The following MMP26 variants were observed in gnomAD, a reference collection of about 807,000 sequenced individuals.
The protein encoded by MMP26 is matrix metalloproteinase-26.
MMP26 carries 33 observed loss-of-function variants against 31.0 expected under a neutral mutation model. The observed-to-expected ratio is 1.06, with a 90% confidence interval of 0.81 to 1.42. The LOEUF is 1.42. MMP26 is among the 40% of genes most tolerant of loss of function. The pLI, the probability that MMP26 is intolerant of heterozygous loss-of-function variation, is 0.00. For synonymous variants in MMP26, 122 were observed against 114.9 expected, an observed-to-expected ratio of 1.06 and a Z score of -0.40; for missense variants, 347 against 316.1, an observed-to-expected ratio of 1.10 and a Z score of -0.74.
At chr11:4,717,670 T>A (rs999155016) in intron 1 of MMP26, among the ~76,000 whole-genome samples, 2 of 48,484 alleles carry the variant, frequency 4.1e-5, no homozygotes, top group Non-Finnish European at 7.6e-5. Context: ...ATTTGGTAAG[T>A]TTTTTACCAC....
At chr11:4,987,563 C>T (rs544376209) in intron 2 of MMP26, among the ~76,000 whole-genome samples, 81 of 152,164 alleles carry the variant, frequency 5.3e-4, no homozygotes, top group Non-Finnish European at 2.6e-4. Context: ...GGACTACAGG[C>T]GCCCACCACC....
chr11:4,914,547 C>T lies in MMP26; in HGVS notation c.-144-73521C>T, dbSNP rs796827906. The T allele has an allele frequency of 7.3e-6, 4 of 549,282 alleles. No individual in the cohort carries two copies. In the South Asian group the frequency reaches 1.2e-4, roughly 16 times the overall value. 34.0% of individuals were successfully genotyped at this position (549,282 alleles called of 1,614,324 possible). On this transcript the variant is annotated intron_variant, in intron 2 of 7. Coordinates refer to ENST00000380390, the MANE Select transcript of MMP26 (RefSeq NM_021801.5). ...TTACCACATCATATTACATTTTACCCCCCCCTGCCCTGGCCACAACAGAGT... is the reference window on the plus strand; with the variant it reads ...TTACCACATCATATTACATTTTACCTCCCCCTGCCCTGGCCACAACAGAGT...
chr11:4,787,814 A>G (rs1352104835), intron 2 of MMP26: 3 of 152,144 alleles, frequency 2.0e-5, no homozygotes, highest in Non-Finnish European at 4.4e-5. Context: ...AAGAACAGTA[A>G]TGCTTACTGA....
intron 1 of MMP26, among the ~76,000 whole-genome samples, chr11:4,759,017 A>G (rs7931393): frequency 0.037 from 5,571 of 149,042 alleles, 341 homozygotes; most frequent in African/African-American, 0.13. Context: ...AGGCTGAGGC[A>G]GGAGAATTGC....
At chr11:4,720,854 A>C (rs1431535753) in intron 1 of MMP26, among the ~76,000 whole-genome samples, 2 of 152,208 alleles carry the variant, frequency 1.3e-5, no homozygotes, top group East Asian at 3.9e-4. Context: ...CGTGGAGTTG[A>C]GACTTAGGTC....
At chr11:4,765,627 C>T (rs1236452410) in intron 1 of MMP26, among the ~76,000 whole-genome samples, 1 of 152,124 alleles carries the variant, frequency 6.6e-6, no homozygotes, top group Non-Finnish European at 1.5e-5. Context: ...TGCAACCTGG[C>T]TTCTATTATG....
chr11:4,939,984 T>C (rs1166638194), intron 2 of MMP26, among the ~76,000 whole-genome samples: 3 of 152,140 alleles, frequency 2.0e-5, no homozygotes, highest in East Asian at 3.8e-4. Context: ...GTCTCACCAT[T>C]GTCTTAAAGA....
At chr11:4,888,911 G>A (rs1850579258) in intron 2 of MMP26, among the ~76,000 whole-genome samples, 1 of 152,174 alleles carries the variant, frequency 6.6e-6, no homozygotes, top group South Asian at 2.1e-4. Flanking sequence ...CCAGCAACTG[G>A]ATTGGGGTGA....
chr11:4,891,063 T>C (rs992365343), intron 2 of MMP26, among the ~76,000 whole-genome samples: 3 of 151,150 alleles, frequency 2.0e-5, no homozygotes, highest in Non-Finnish European at 2.9e-5. Flanking sequence ...AAGTGGATAC[T>C]AGTTTTGAAG....
chr11:4,890,993 A>ATAATAATAC (rs1850611561), intron 2 of MMP26, among the ~76,000 whole-genome samples: 2 of 146,166 alleles, frequency 1.4e-5, no homozygotes, highest in Admixed American at 6.8e-5. Flanking sequence ...AATAATAATA[A>ATAATAATAC]TAATAATAAT....
At chr11:4,777,042 A>G (rs1200555484) in intron 2 of MMP26, among the ~76,000 whole-genome samples, 1 of 152,160 alleles carries the variant, frequency 6.6e-6, no homozygotes, top group African/African-American at 2.4e-5. Flanking sequence ...AAATTCTTAA[A>G]ATACAAGGGT....
Position 4,803,933 on chromosome 11 carries a change from T to C in MMP26, c.-145+36592T>C, listed in dbSNP as rs1849223843. 2.5e-6 allele frequency: 4 copies of C among 1,613,086 alleles called. No individual in the cohort carries two copies. In the South Asian group the frequency reaches 4.4e-5, roughly 18 times the overall value. ...CACAGCAGCCCTCTCAGCATCACGA[T>C]GGTCCCCAGTTTGATCACGACCGAT... On this transcript the variant is annotated intron_variant, in intron 2 of 7. Transcript: ENST00000380390.
At chr11:4,821,369 A>G (rs766256335) in intron 2 of MMP26, 7 of 1,588,728 alleles carry the variant, frequency 4.4e-6, no homozygotes, top group Non-Finnish European at 6.0e-6. Flanking sequence ...TAAACTATGT[A>G]TTATGTGTTA....
At chr11:4,753,604 A>G (rs117711788) in intron 1 of MMP26, among the ~76,000 whole-genome samples, 4,113 of 152,174 alleles carry the variant, frequency 0.027, 63 homozygotes, top group South Asian at 0.088. Context: ...ATTCTATTTA[A>G]CTGTGATTAG....
intron 2 of MMP26, among the ~76,000 whole-genome samples, chr11:4,854,157 G>A (rs1850015137): frequency 1.3e-5 from 2 of 152,190 alleles, no homozygotes; most frequent in African/African-American, 4.8e-5. Context: ...GAGTGACACA[G>A]AAGACGGGTG....
intron 2 of MMP26, among the ~76,000 whole-genome samples, chr11:4,930,898 C>G (rs1205945151): frequency 6.6e-6 from 1 of 151,724 alleles, no homozygotes; most frequent in Non-Finnish European, 1.5e-5. Flanking sequence ...CAGCGTTGTT[C>G]TCAAATGTGT....
chr11:4,840,632 C>G (rs568018734), intron 2 of MMP26, among the ~76,000 whole-genome samples: 13 of 152,186 alleles, frequency 8.5e-5, no homozygotes, highest in Admixed American at 7.2e-4. Flanking sequence ...TGGGGTTACC[C>G]CTAAAGTAGA....
intron 1 of MMP26, chr11:4,710,570 TC>T: frequency 2.7e-6 from 1 of 369,770 alleles, no homozygotes; most frequent in Non-Finnish European, 5.4e-6. Context: ...GTTTGATCAT[TC>T]AGTACTGTGA....
chr11:4,972,145 A>G (rs1846674215), intron 2 of MMP26, among the ~76,000 whole-genome samples: 1 of 152,234 alleles, frequency 6.6e-6, no homozygotes, highest in South Asian at 2.1e-4. Flanking sequence ...ATATGAGGAA[A>G]TCAATTAAAC....
Sources: allele counts gnomAD v4.1 joint callset (sites outside exome capture counted in the v4.1 genomes callset), GRCh38; gene constraint gnomAD v4.1.1; transcripts MANE v1.5; gene names NCBI Gene and HGNC (gene_info 2026-07-23, HGNC 2026-07-21).